The following LDB3 variants were observed in gnomAD, a reference collection of about 807,000 sequenced individuals.
LDB3 encodes the protein LIM domain binding 3, also known as LIM domain-binding protein 3.
In LDB3, 49 loss-of-function variants were observed where a neutral mutation model predicts 69.0. The observed-to-expected ratio is 0.71, with a 90% confidence interval of 0.56 to 0.90. The LOEUF (loss-of-function observed/expected upper bound fraction) is 0.90. Among genes scored for constraint, LDB3 ranks in the 40% least tolerant of loss-of-function variants. LDB3 has a pLI of 0.00. For synonymous variants in LDB3, 387 were observed against 396.2 expected (o/e 0.98, Z 0.28); for missense variants, 928 against 974.1 (o/e 0.95, Z 0.63).
At position 86,699,241 on chromosome 10, in the gene LDB3, CT is replaced by C. The variant is rs749815686; in HGVS notation, c.896+6671del. 12 of 16,712 alleles carry C rather than the reference CT, an allele frequency of 7.2e-4. No homozygotes were observed. In the African/African-American group the frequency reaches 0.02, roughly 28 times the overall value. 1.0% of individuals were successfully genotyped at this position (16,712 alleles called of 1,614,324 possible). A position where few individuals can be genotyped will look rare whatever the true frequency, so the allele number is the denominator to read the frequency against. Reference sequence around the variant, plus strand: ...TCTCTTTCTGTCTCTGTCTCTGTTTCTCTCTCTCTCTCTCTCTCTCTCTCTC... The same window carrying C: ...TCTCTTTCTGTCTCTGTCTCTGTTTCCTCTCTCTCTCTCTCTCTCTCTCTC... On this transcript the variant is annotated intron_variant, in intron 7 of 13. Coordinates refer to ENST00000361373, the MANE Select transcript of LDB3 (RefSeq NM_007078.3). This position sits in a 1 kb window ranked among gnomAD's most constrained non-coding sequence, Gnocchi z 4.9.
At chr10:86,692,392 G>A (rs1845808592) in intron 6 of LDB3, 143 bp from the exon 7 acceptor site, 2 of 886,944 alleles carry the variant, frequency 2.3e-6, no homozygotes, top group East Asian at 2.4e-5. Flanking sequence ...TGGGGCCTCT[G>A]CCCAGCACAC....
intron 13 of LDB3, among the ~76,000 whole-genome samples, chr10:86,728,782 A>G (rs929579723): frequency 3.3e-5 from 5 of 151,828 alleles, no homozygotes; most frequent in Non-Finnish European, 5.9e-5. Context: ...GGGTTTCACC[A>G]TCTTGGCCAG....
At chr10:86,694,939 G>A (rs1460848656) in intron 7 of LDB3, among the ~76,000 whole-genome samples, 1 of 152,212 alleles carries the variant, frequency 6.6e-6, no homozygotes, top group Non-Finnish European at 1.5e-5. Context: ...CTTGTTGGCT[G>A]AGAGCAGCCA....
Position 86,699,454 on chromosome 10 carries a change from C to CATGTGAGCTTGG in LDB3, c.896+6883_896+6884insATGTGAGCTTGG, listed in dbSNP as rs1846161963. 5.6e-6 allele frequency: 9 copies of CATGTGAGCTTGG among 1,606,622 alleles called. 1 individual carries two copies. The Middle Eastern group carries it at 5.4e-4, about 97-fold the overall frequency. On this transcript the variant is annotated intron_variant, in intron 7 of 13. Transcript: ENST00000361373. The surrounding 1 kb of genome is among the most constrained non-coding windows in gnomAD (Gnocchi z 4.9). ...CCCACACAGATCTGGCATGTGAGCC[C>CATGTGAGCTTGG]CACGGTGATGCTTGACAATGTATAA...
At chr10:86,691,370 C>A (rs1845752836) in intron 5 of LDB3, among the ~76,000 whole-genome samples, 1 of 152,186 alleles carries the variant, frequency 6.6e-6, no homozygotes, top group Admixed American at 6.5e-5. Context: ...TTACCACTTT[C>A]CAGCAGAGTC....
intron 7 of LDB3, among the ~76,000 whole-genome samples, chr10:86,696,041 A>G (rs1845980356): frequency 4.6e-5 from 7 of 152,202 alleles, no homozygotes; most frequent in Non-Finnish European, 1.5e-5. Context: ...GGTGCATCAC[A>G]TAGCCCTTTC....
At chr10:86,705,122 C>G (rs1387156159) in intron 7 of LDB3, among the ~76,000 whole-genome samples, 1 of 152,192 alleles carries the variant, frequency 6.6e-6, no homozygotes, top group African/African-American at 2.4e-5. Flanking sequence ...GTCTACTTGG[C>G]TGATCACAAC....
At chr10:86,688,305 A>G (rs1184760159) in intron 5 of LDB3, among the ~76,000 whole-genome samples, 2 of 152,178 alleles carry the variant, frequency 1.3e-5, no homozygotes, top group Admixed American at 6.5e-5. Flanking sequence ...TGGAGGGATT[A>G]AAAAGTCCCA....
chr10:86,721,825 T>C (rs1468318523), intron 12 of LDB3, among the ~76,000 whole-genome samples: 1 of 152,220 alleles, frequency 6.6e-6, no homozygotes, highest in African/African-American at 2.4e-5. Flanking sequence ...TCTAGAAAAG[T>C]ACCAAGCCCC....
intron 7 of LDB3, among the ~76,000 whole-genome samples, chr10:86,696,635 G>T (rs1437227707): frequency 6.6e-6 from 1 of 152,210 alleles, no homozygotes; most frequent in Non-Finnish European, 1.5e-5. Flanking sequence ...GGCCTTGCTA[G>T]GACTTGACGA....
Position 86,681,302 on chromosome 10 carries a change from G to A in LDB3, c.322-134G>A, listed in dbSNP as rs1042388494. ...CAGTGTCCTCCCCTCCAAGTGCTGC[G>A]CCCAGGCGCTCTGGGCTTCAGGCTG... On this transcript the variant is annotated intron_variant, in intron 4 of 13. Transcript: ENST00000361373. 4.0e-5 allele frequency: 54 copies of A among 1,344,714 alleles called. No homozygotes were observed. The African/African-American group carries it at 4.4e-4, about 11-fold the overall frequency. 83.3% of individuals were successfully genotyped at this position (1,344,714 alleles called of 1,614,324 possible).
intron 7 of LDB3, among the ~76,000 whole-genome samples, chr10:86,703,660 C>A (rs999964487): frequency 1.3e-5 from 2 of 152,242 alleles, no homozygotes; most frequent in Non-Finnish European, 2.9e-5. Context: ...TTTTACCATA[C>A]ACCTCACCAG....
intron 7 of LDB3, among the ~76,000 whole-genome samples, 191 bp downstream of exon 7, chr10:86,692,762 G>A (rs957837513): frequency 4.6e-5 from 7 of 152,226 alleles, no homozygotes; most frequent in African/African-American, 1.7e-4. Flanking sequence ...ACCTGGACCC[G>A]AGTCTCTGTC....
At chr10:86,673,582 G>T (rs1336019673) in intron 2 of LDB3, among the ~76,000 whole-genome samples, 1 of 152,130 alleles carries the variant, frequency 6.6e-6, no homozygotes, top group Non-Finnish European at 1.5e-5. Context: ...AGGTTCCAGT[G>T]AGAGGGTGAG....
intron 5 of LDB3, among the ~76,000 whole-genome samples, chr10:86,690,098 T>TA (rs1367651863): frequency 6.6e-6 from 1 of 152,092 alleles, no homozygotes; most frequent in Non-Finnish European, 1.5e-5. Flanking sequence ...ACAGGGGAGC[T>TA]CCTCCTGGGC....
At position 86,709,768 on chromosome 10, in the gene LDB3, T is replaced by G. The variant is rs1846569540; in HGVS notation, c.1086-137T>G. ...ACCCTCATGGTCCTTCCTTCACAGT[T>G]TCTGGCAGTTCCCCAGAAATGTCTC... is the stretch of plus-strand genomic sequence containing the variant. On this transcript the variant is annotated intron_variant, in intron 8 of 13. Coordinates refer to ENST00000361373, the MANE Select transcript of LDB3 (RefSeq NM_007078.3). 1.1e-5 allele frequency: 10 copies of G among 932,092 alleles called. 1 individual carries two copies. In the South Asian group the frequency reaches 1.5e-4, roughly 14 times the overall value. The allele number at this position is 932,092 out of a possible 1,614,324, so 57.7% of individuals were successfully genotyped here.
At position 86,716,639 on chromosome 10, in the gene LDB3, C is replaced by T; in HGVS notation, c.1544C>T (p.Pro515Leu). 6.2e-7 allele frequency: 1 copy of T among 1,614,002 alleles called. No individual in the cohort carries two copies. The highest frequency in any genetic ancestry group is 8.5e-7 in the Non-Finnish European group (1 of 1,179,998). Reference protein sequence around the residue: ...STTSISKQTLPRGGPAYTPAG... With the variant: ...STTSISKQTLLRGGPAYTPAG... ...ACCTCCATCAGCAAGCAGACCCTGC[C>T]CCGGGGAGGCCCAGCCTACACCCCA... Residue 515 changes from proline to leucine, a missense_variant, in exon 10 of 14, where the codon CCC becomes CTC. Coordinates refer to ENST00000361373, the MANE Select transcript of LDB3 (RefSeq NM_007078.3).
intron 9 of LDB3, among the ~76,000 whole-genome samples, chr10:86,711,445 G>A (rs990066139): frequency 6.6e-6 from 1 of 151,832 alleles, no homozygotes; most frequent in Non-Finnish European, 1.5e-5. Flanking sequence ...GGGCGGGCGC[G>A]CGCTGGAGTC....
chr10:86,671,702 C>T (rs535794655), intron 2 of LDB3, among the ~76,000 whole-genome samples: 208 of 152,320 alleles, frequency 1.4e-3, no homozygotes, highest in Middle Eastern at 3.4e-3. Flanking sequence ...CCTCTTCATG[C>T]CTCTCATGCC....
Sources: allele counts gnomAD v4.1 joint callset (sites outside exome capture counted in the v4.1 genomes callset), GRCh38; gene constraint gnomAD v4.1.1; non-coding constraint Gnocchi (gnomAD v3.1); transcripts MANE v1.5; gene names NCBI Gene and HGNC (gene_info 2026-07-23, HGNC 2026-07-21).